LRRC37A2: variants seen among roughly 807,000 people sequenced by gnomAD.
LRRC37A2 encodes leucine rich repeat containing 37 member A2, also known as leucine-rich repeat-containing protein 37A2.
Under a neutral mutation model 68.8 loss-of-function variants are expected in LRRC37A2, and 9 were observed. That is an observed-to-expected ratio of 0.13 (90% CI 0.08 to 0.23). LRRC37A2 has a LOEUF of 0.23. Among genes scored for constraint, LRRC37A2 ranks in the 10% least tolerant of loss-of-function variants. The pLI is 1.00. For synonymous variants in LRRC37A2, 63 were observed against 367.6 expected (o/e 0.17, Z 9.48); for missense variants, 168 against 950.4 (o/e 0.18, Z 10.82).
At chr17:46,871,477 G>A in the LRRC37A2 span, among the ~76,000 whole-genome samples, 1 of 152,100 alleles carries the variant, frequency 6.6e-6, no homozygotes, top group African/African-American at 2.4e-5. Context: ...TTCCTCATCT[G>A]GACAAAGGGG....
chr17:46,823,218 A>ATAT, the LRRC37A2 span, among the ~76,000 whole-genome samples: 1 of 134,948 alleles, frequency 7.4e-6, no homozygotes, highest in East Asian at 2.0e-4. Flanking sequence ...TATATTATAT[A>ATAT]TTATATATAT....
the LRRC37A2 span, among the ~76,000 whole-genome samples, chr17:46,980,188 G>A: frequency 6.8e-6 from 1 of 146,142 alleles, no homozygotes; most frequent in Non-Finnish European, 1.5e-5. Context: ...ATTTCTAACA[G>A]TTCCCACGTG....
At chr17:46,923,521 T>C in the LRRC37A2 span, 3 of 1,356,918 alleles carry the variant, frequency 2.2e-6, no homozygotes, top group Non-Finnish European at 2.8e-6. Flanking sequence ...TATAAAACTT[T>C]GTCCAGCACT....
the LRRC37A2 span, among the ~76,000 whole-genome samples, chr17:46,794,140 GT>G: frequency 6.6e-6 from 1 of 152,188 alleles, no homozygotes; most frequent in Non-Finnish European, 1.5e-5. Context: ...GGGAGAGCAA[GT>G]GAAGGAGGAC....
At chr17:47,008,586 G>A in the LRRC37A2 span, among the ~76,000 whole-genome samples, 1 of 151,482 alleles carries the variant, frequency 6.6e-6, no homozygotes, top group East Asian at 1.9e-4. Context: ...AGCTTCCCAA[G>A]TAGCTGGGAC....
the LRRC37A2 span, among the ~76,000 whole-genome samples, chr17:46,489,260 C>G: frequency 1.2e-5 from 1 of 80,626 alleles, no homozygotes; most frequent in Non-Finnish European, 2.7e-5. Context: ...GCCTCAGCCT[C>G]CCGAGTAGCT....
At chr17:46,714,363 A>T in the LRRC37A2 span, among the ~76,000 whole-genome samples, 1 of 152,214 alleles carries the variant, frequency 6.6e-6, no homozygotes, top group Non-Finnish European at 1.5e-5. Context: ...GGGTCAATTA[A>T]GTTGAGGAAG....
the LRRC37A2 span, among the ~76,000 whole-genome samples, chr17:46,605,842 G>A: frequency 2.0e-5 from 1 of 48,830 alleles, no homozygotes; most frequent in Non-Finnish European, 3.4e-5. Flanking sequence ...TGATGTATGC[G>A]GAGGTTTTAA....
At chr17:46,957,885 A>G in the LRRC37A2 span, among the ~76,000 whole-genome samples, 2 of 152,184 alleles carry the variant, frequency 1.3e-5, no homozygotes. Context: ...AACGGAGGCA[A>G]GGCACTCACC....
At chr17:47,018,322 T>C in the LRRC37A2 span, 11 of 1,611,424 alleles carry the variant, frequency 6.8e-6, no homozygotes, top group South Asian at 1.1e-5. Context: ...GAATCTTCTC[T>C]GACCCAGCAG....
the LRRC37A2 span, among the ~76,000 whole-genome samples, chr17:47,040,331 A>T: frequency 6.6e-6 from 1 of 151,252 alleles, no homozygotes; most frequent in African/African-American, 2.4e-5. Context: ...TTTCTCAGGG[A>T]CAATTTCTGC....
the LRRC37A2 span, among the ~76,000 whole-genome samples, chr17:46,820,272 C>CTT: frequency 6.6e-6 from 1 of 152,120 alleles, no homozygotes; most frequent in Non-Finnish European, 1.5e-5. Context: ...GCCGCCTGGG[C>CTT]TTGTCATGGC....
the LRRC37A2 span, among the ~76,000 whole-genome samples, chr17:46,418,228 T>TGC: frequency 1.5e-4 from 10 of 67,030 alleles, no homozygotes; most frequent in African/African-American, 3.5e-4. Flanking sequence ...TGTGTGTGTG[T>TGC]GTGTGTGCGC....
chr17:46,797,413 A>G, the LRRC37A2 span, among the ~76,000 whole-genome samples: 1 of 152,196 alleles, frequency 6.6e-6, no homozygotes, highest in African/African-American at 2.4e-5. Flanking sequence ...GAGGGAAAGG[A>G]AAGAGTTTTC....
At chr17:46,988,710 A>G in the LRRC37A2 span, among the ~76,000 whole-genome samples, 5 of 152,128 alleles carry the variant, frequency 3.3e-5, no homozygotes, top group African/African-American at 9.7e-5. Flanking sequence ...TGTGCACGTG[A>G]CAGTGTCAGG....
the LRRC37A2 span, among the ~76,000 whole-genome samples, chr17:46,894,975 C>T: frequency 3.3e-5 from 5 of 152,208 alleles, no homozygotes; most frequent in Non-Finnish European, 4.4e-5. Context: ...ACGGGACGTG[C>T]TCGCCTGTCC....
At chr17:46,741,849 C>G in the LRRC37A2 span, among the ~76,000 whole-genome samples, 1 of 152,172 alleles carries the variant, frequency 6.6e-6, no homozygotes. Flanking sequence ...TCACTGCAAC[C>G]TCCGCCTCCC....
the LRRC37A2 span, among the ~76,000 whole-genome samples, chr17:46,753,298 T>C: frequency 3.3e-5 from 5 of 152,234 alleles, no homozygotes; most frequent in African/African-American, 1.2e-4. Context: ...ACATCTGAAA[T>C]AGGCTCTTGG....
the LRRC37A2 span, among the ~76,000 whole-genome samples, chr17:46,778,082 G>A: frequency 8.1e-4 from 124 of 152,326 alleles, 3 homozygotes; most frequent in East Asian, 0.023. Context: ...TGCATGGCAC[G>A]TGGGGAGCCC....
Sources: gnomAD v4.1 joint callset for allele counts (sites outside exome capture counted in the v4.1 genomes callset) on GRCh38, gnomAD v4.1.1 for gene constraint, MANE v1.5 for transcripts, NCBI Gene and HGNC (gene_info 2026-07-23, HGNC 2026-07-21) for gene names.